TSHZ2: variants seen among roughly 807,000 people sequenced by gnomAD.
TSHZ2 encodes the protein teashirt homolog 2.
A neutral mutation model predicts 74.4 loss-of-function variants in TSHZ2; 21 were observed. That is an observed-to-expected ratio of 0.28 (90% CI 0.20 to 0.41). The LOEUF (loss-of-function observed/expected upper bound fraction) is 0.41, where lower values mean the gene tolerates loss of function less well. Ranked by LOEUF, TSHZ2 falls within the 10% of genes least tolerant of loss-of-function variation. The pLI is 1.00. For synonymous variants in TSHZ2, 540 were observed against 515.3 expected (o/e 1.05, Z -0.65); for missense variants, 1,244 against 1,293.5 (o/e 0.96, Z 0.59).
intron 2 of TSHZ2, among the ~76,000 whole-genome samples, chr20:53,472,359 G>C (rs1027994597): frequency 1.3e-5 from 2 of 152,290 alleles, no homozygotes; most frequent in East Asian, 3.9e-4. Context: ...GGATGCGAGG[G>C]AGGAGTGAGG....
rs1164287419 is a variant in TSHZ2, at chr20:53,074,679, T to C, written c.40+101346T>C. Among the ~76,000 whole-genome samples, 1 of 152,192 alleles carries C rather than the reference T, an allele frequency of 6.6e-6. No individual in the cohort carries two copies. The stretch of plus-strand genomic sequence containing the variant: ...GAAAAGGCTACTTGGAAACTATAGA[T>C]ACTAATTATTTTTAACTATAGATAC... On this transcript the variant is annotated intron_variant, in intron 1 of 2. Coordinates refer to ENST00000371497, the MANE Select transcript of TSHZ2 (RefSeq NM_173485.6). The surrounding 1 kb of genome is among the most constrained non-coding windows in gnomAD (Gnocchi z 5.9).
intron 2 of TSHZ2, among the ~76,000 whole-genome samples, chr20:53,284,027 G>A (rs55827120): frequency 0.015 from 2,333 of 152,318 alleles, 57 homozygotes; most frequent in African/African-American, 0.053. Context: ...GTAAAAACGG[G>A]TACAGTAATT....
chr20:53,213,569 GAGAC>G (rs1414666358), intron 1 of TSHZ2, among the ~76,000 whole-genome samples: 3 of 152,248 alleles, frequency 2.0e-5, no homozygotes, highest in Admixed American at 1.3e-4. Context: ...ACACACACGA[GAGAC>G]AGAGAGAGAG....
chr20:53,404,665 T>G (rs16998062), intron 2 of TSHZ2, among the ~76,000 whole-genome samples: 138 of 152,338 alleles, frequency 9.1e-4, no homozygotes, highest in African/African-American at 3.2e-3. Flanking sequence ...CTAGTCTCTA[T>G]TAATATGCAA....
At chr20:53,112,034 G>A (rs1316663572) in intron 1 of TSHZ2, among the ~76,000 whole-genome samples, 1 of 152,188 alleles carries the variant, frequency 6.6e-6, no homozygotes, top group Non-Finnish European at 1.5e-5. Flanking sequence ...GCCTCATCAA[G>A]AACTGAGAAC....
intron 1 of TSHZ2, among the ~76,000 whole-genome samples, chr20:52,979,403 T>C (rs1981477161): frequency 6.6e-6 from 1 of 152,188 alleles, no homozygotes; most frequent in African/African-American, 2.4e-5. Flanking sequence ...CAACTTTAAC[T>C]TGCACATGAA....
chr20:53,437,291 G>A lies in TSHZ2; in HGVS notation c.*9-49853G>A, dbSNP rs892294887. Among the ~76,000 whole-genome samples the A allele has an allele frequency of 2.6e-5, 4 of 152,056 alleles. No homozygotes were observed. The South Asian group carries it at 8.3e-4, about 32-fold the overall frequency. On this transcript the variant is annotated intron_variant, in intron 2 of 2. Transcript: ENST00000371497. ...AGTTCAAGACCAGCCTGGCCAACAT[G>A]GTGAAACCCTGTGTCTACTAAAAAT...
intron 2 of TSHZ2, among the ~76,000 whole-genome samples, chr20:53,395,850 G>T (rs189625012): frequency 6.6e-6 from 1 of 152,372 alleles, no homozygotes; most frequent in East Asian, 1.9e-4. Context: ...AGAAGAGGGA[G>T]CTAAAGGGAA....
rs571073041 is a variant in TSHZ2, at chr20:53,113,029, G to T, written c.40+139696G>T. 3.2e-4 allele frequency among the ~76,000 whole-genome samples: 49 copies of T among 152,316 alleles called. 1 individual carries two copies. The South Asian group carries it at 9.7e-3, about 30-fold the overall frequency. On this transcript the variant is annotated intron_variant, in intron 1 of 2. Transcript: ENST00000371497. ...CATAATTTTCAAATTCCAGATTTAT[G>T]CAAAGTTTAAGAATATCAGCCACGG...
intron 1 of TSHZ2, among the ~76,000 whole-genome samples, chr20:53,163,214 C>G (rs947253956): frequency 2.6e-5 from 4 of 152,054 alleles, no homozygotes; most frequent in African/African-American, 9.7e-5. Context: ...GATCCCTGTC[C>G]TTGTGTGATT....
intron 1 of TSHZ2, 100 bp from the exon 2 acceptor site, chr20:53,253,399 C>T: frequency 6.7e-7 from 1 of 1,486,938 alleles, no homozygotes; most frequent in Admixed American, 2.3e-5. Flanking sequence ...GATTAAATCA[C>T]CGTTCAGTTC....
At chr20:53,356,120 G>A (rs1980837320) in intron 2 of TSHZ2, among the ~76,000 whole-genome samples, 1 of 152,152 alleles carries the variant, frequency 6.6e-6, no homozygotes, top group Admixed American at 6.5e-5. Context: ...GACATTGAGA[G>A]ATTTTAATTG....
In TSHZ2 at chr20:53,117,457, C is replaced by G. The variant is rs1600699186; in HGVS notation, c.41-136042C>G. The stretch of plus-strand genomic sequence containing the variant: ...GACAAAAGTACCTGCCCTTCAGGAG[C>G]CTCCTTCCTGGTGAAGGGAGACAGA... On this transcript the variant is annotated intron_variant, in intron 1 of 2. Transcript: ENST00000371497. 2.0e-5 allele frequency among the ~76,000 whole-genome samples: 3 copies of G among 152,202 alleles called. No individual in the cohort carries two copies. The South Asian group carries it at 6.2e-4, about 32-fold the overall frequency.
intron 2 of TSHZ2, among the ~76,000 whole-genome samples, chr20:53,337,543 T>C (rs1980002877): frequency 6.6e-6 from 1 of 152,200 alleles, no homozygotes; most frequent in Non-Finnish European, 1.5e-5. Flanking sequence ...CTAGGAGGGA[T>C]ATACCCAGGG....
intron 1 of TSHZ2, among the ~76,000 whole-genome samples, chr20:53,206,259 T>G (rs1989166081): frequency 6.6e-6 from 1 of 152,124 alleles, no homozygotes; most frequent in Admixed American, 6.5e-5. Flanking sequence ...AAGACACACA[T>G]AGCAGTCACC....
intron 2 of TSHZ2, among the ~76,000 whole-genome samples, chr20:53,377,155 C>T (rs1161147116): frequency 3.9e-5 from 6 of 152,182 alleles, no homozygotes; most frequent in Non-Finnish European, 8.8e-5. Flanking sequence ...TAAGTCAAGG[C>T]CTCATTCTGA....
chr20:53,008,980 C>CCCCTCT (rs1226250631), intron 1 of TSHZ2, among the ~76,000 whole-genome samples: 5 of 130,482 alleles, frequency 3.8e-5, no homozygotes, highest in African/African-American at 1.6e-4. Flanking sequence ...TTGTCTTTCT[C>CCCCTCT]CTCTCTCTCT....
intron 1 of TSHZ2, among the ~76,000 whole-genome samples, chr20:53,180,813 C>T (rs1988449453): frequency 1.3e-5 from 2 of 152,122 alleles, no homozygotes; most frequent in Non-Finnish European, 2.9e-5. Flanking sequence ...CTTGTTAACA[C>T]AAAGCAAAAA....
At chr20:53,474,305 T>A (rs1327703907) in intron 2 of TSHZ2, among the ~76,000 whole-genome samples, 1 of 131,820 alleles carries the variant, frequency 7.6e-6, no homozygotes, top group Non-Finnish European at 1.6e-5. Flanking sequence ...TAACAGCGGA[T>A]CTCTCAGCAG....
Sources: gnomAD v4.1 joint callset for allele counts (sites outside exome capture counted in the v4.1 genomes callset) on GRCh38, gnomAD v4.1.1 for gene constraint, Gnocchi (gnomAD v3.1) non-coding constraint, MANE v1.5 for transcripts, NCBI Gene and HGNC (gene_info 2026-07-23, HGNC 2026-07-21) for gene names.